NUF2: variants seen among roughly 807,000 people sequenced by gnomAD.
The protein encoded by NUF2 is NUF2 component of NDC80 kinetochore complex.
A neutral mutation model predicts 61.8 loss-of-function variants in NUF2; 34 were observed. The observed-to-expected ratio is 0.55, with a 90% CI of 0.42 to 0.73. NUF2 has a LOEUF of 0.73. Among genes scored for constraint, NUF2 ranks in the 30% least tolerant of loss-of-function variants. The probability of loss-of-function intolerance (pLI) is 0.00; values close to 1 mark genes in which losing one functional copy is unlikely to be tolerated. For missense variants in NUF2, 445 were observed against 539.1 expected, an observed-to-expected ratio of 0.83 and a Z score of 1.73; for synonymous variants, 172 against 181.6, an observed-to-expected ratio of 0.95 and a Z score of 0.42.
At chr1:163,339,279 A>T (rs1650861194) in intron 7 of NUF2, 102 bp from the exon 8 acceptor site, 4 of 698,220 alleles carry the variant, frequency 5.7e-6, no homozygotes, top group Non-Finnish European at 7.4e-6. Context: ...TCAGAAACAT[A>T]AAAGTAGACA....
chr1:163,333,461 T>C (rs1430760978), intron 5 of NUF2, among the ~76,000 whole-genome samples: 1 of 152,066 alleles, frequency 6.6e-6, no homozygotes, highest in Non-Finnish European at 1.5e-5. Flanking sequence ...TGTTTTCTCT[T>C]TGTCCTGTTC....
chr1:163,342,626 A>G (rs1430461222), intron 9 of NUF2, among the ~76,000 whole-genome samples: 1 of 152,164 alleles, frequency 6.6e-6, no homozygotes. Context: ...CATTCCTGTT[A>G]TGAAATATTC....
chr1:163,342,708 A>G (rs1650987210), intron 9 of NUF2, among the ~76,000 whole-genome samples: 1 of 152,084 alleles, frequency 6.6e-6, no homozygotes, highest in Non-Finnish European at 1.5e-5. Context: ...GAGTATACAC[A>G]CATATAGAGA....
rs182179426 is a variant in NUF2, at chr1:163,326,270, A to G, written c.123+96A>G. The G allele has an allele frequency of 6.2e-4, 678 of 1,086,732 alleles. 1 individual carries two copies. In the African/African-American group the frequency reaches 9.9e-3, roughly 16 times the overall value. 67.3% of individuals were successfully genotyped at this position (1,086,732 alleles called of 1,614,324 possible). The stretch of plus-strand genomic sequence containing the variant: ...TGGCAAGAAAGGGATATGGCCTCCT[A>G]TTTGATGGAGACCAGTCATTTTCAT... On this transcript the variant is annotated intron_variant, in intron 2 of 13. Coordinates refer to ENST00000271452, the MANE Select transcript of NUF2 (RefSeq NM_145697.3).
intron 5 of NUF2, among the ~76,000 whole-genome samples, chr1:163,332,848 T>C (rs1025761494): frequency 2.6e-5 from 4 of 152,298 alleles, no homozygotes; most frequent in Admixed American, 2.6e-4. Context: ...TAAGATAACA[T>C]GCACAAATTC....
chr1:163,354,788 C>G (rs1253799923), intron 13 of NUF2, among the ~76,000 whole-genome samples: 1 of 151,946 alleles, frequency 6.6e-6, no homozygotes, highest in Non-Finnish European at 1.5e-5. Flanking sequence ...TGTGTACACG[C>G]TAATTTTTTT....
At chr1:163,341,620 A>T (rs984652390) in intron 9 of NUF2, among the ~76,000 whole-genome samples, 10 of 150,436 alleles carry the variant, frequency 6.6e-5, no homozygotes, top group South Asian at 2.1e-4. Context: ...TTGTTTATTT[A>T]TTTTATTTAT....
chr1:163,342,488 A>G (rs1353139430), intron 9 of NUF2, among the ~76,000 whole-genome samples: 1 of 152,204 alleles, frequency 6.6e-6, no homozygotes, highest in Non-Finnish European at 1.5e-5. Flanking sequence ...AAATAACAAA[A>G]TATACAGAAA....
chr1:163,335,027 T>C (rs2221684), intron 5 of NUF2, among the ~76,000 whole-genome samples: 63,159 of 151,878 alleles, frequency 0.42, 13,523 homozygotes, highest in South Asian at 0.59. Context: ...AGTCTCGGCT[T>C]ACTGCAACCT....
intron 11 of NUF2, among the ~76,000 whole-genome samples, chr1:163,347,126 G>C (rs927537163): frequency 6.6e-6 from 1 of 152,164 alleles, no homozygotes; most frequent in Admixed American, 6.5e-5. Flanking sequence ...GCCCAACACT[G>C]TATCTAGGAC....
intron 7 of NUF2, 89 bp downstream of exon 7, chr1:163,338,182 TAA>T: frequency 2.2e-6 from 2 of 897,470 alleles, no homozygotes; most frequent in South Asian, 1.5e-5. Context: ...TATTCCACCT[TAA>T]GTCTCTTTTA....
intron 1 of NUF2, among the ~76,000 whole-genome samples, chr1:163,324,696 A>G (rs1571370519): frequency 6.6e-6 from 1 of 152,052 alleles, no homozygotes; most frequent in African/African-American, 2.4e-5. Context: ...AGTGGCTGCT[A>G]TTGCTGCTCA....
At chr1:163,350,671 G>A (rs1184007874) in intron 13 of NUF2, among the ~76,000 whole-genome samples, 1 of 152,102 alleles carries the variant, frequency 6.6e-6, no homozygotes, top group Non-Finnish European at 1.5e-5. Context: ...ATCTAGCATG[G>A]TGCTTCTTAA....
At chr1:163,326,374 G>C (rs1215397177) in intron 2 of NUF2, among the ~76,000 whole-genome samples, 200 bp downstream of exon 2, 1 of 148,866 alleles carries the variant, frequency 6.7e-6, no homozygotes, top group Non-Finnish European at 1.5e-5. Flanking sequence ...ATTCCCATTA[G>C]GATTCAATTC....
intron 5 of NUF2, among the ~76,000 whole-genome samples, chr1:163,331,781 T>A (rs960535138): frequency 2.0e-5 from 3 of 152,064 alleles, no homozygotes; most frequent in Admixed American, 2.0e-4. Context: ...AACATAAAAT[T>A]GTTCATTATA....
intron 9 of NUF2, among the ~76,000 whole-genome samples, chr1:163,341,864 A>AG (rs1293021849): frequency 6.6e-6 from 1 of 152,120 alleles, no homozygotes; most frequent in East Asian, 1.9e-4. Context: ...TCCTGACCTC[A>AG]GGGGACCTGC....
chr1:163,349,404 A>G (rs1651237051), intron 13 of NUF2, among the ~76,000 whole-genome samples: 1 of 152,148 alleles, frequency 6.6e-6, no homozygotes, highest in African/African-American at 2.4e-5. Flanking sequence ...TATTTATTAA[A>G]TATTTATTGT....
chr1:163,354,893 C>T (rs1226810862), intron 13 of NUF2, among the ~76,000 whole-genome samples: 2 of 151,966 alleles, frequency 1.3e-5, no homozygotes, highest in Non-Finnish European at 1.5e-5. Flanking sequence ...TCAAACAACT[C>T]TACAAGGTAT....
chr1:163,355,201 A>G (rs1236480947), intron 13 of NUF2, 134 bp from the exon 14 acceptor site: 1 of 636,492 alleles, frequency 1.6e-6, no homozygotes, highest in African/African-American at 1.9e-5. Context: ...ATAGACATGC[A>G]CATTTGTGTG....
Sources: allele counts gnomAD v4.1 joint callset (sites outside exome capture counted in the v4.1 genomes callset), GRCh38; gene constraint gnomAD v4.1.1; transcripts MANE v1.5; gene names NCBI Gene and HGNC (gene_info 2026-07-23, HGNC 2026-07-21).